LPP: variants seen among roughly 807,000 people sequenced by gnomAD.
LPP encodes the protein LIM domain containing preferred translocation partner in lipoma.
Under a neutral mutation model 60.4 loss-of-function variants are expected in LPP, and 38 were observed. The ratio of observed to expected loss-of-function variants is 0.63; its 90% confidence interval spans 0.49 to 0.83. The LOEUF is 0.83. LPP is among the 40% of genes least tolerant of loss of function. The probability of loss-of-function intolerance (pLI) is 0.00; values close to 1 mark genes in which losing one functional copy is unlikely to be tolerated. For missense variants in LPP, 902 were observed against 783.6 expected, an observed-to-expected ratio of 1.15 and a Z score of -1.80; for synonymous variants, 328 against 290.8, an observed-to-expected ratio of 1.13 and a Z score of -1.30.
chr3:188,414,782 A>T (rs1785739850), intron 4 of LPP, among the ~76,000 whole-genome samples: 1 of 152,160 alleles, frequency 6.6e-6, no homozygotes. Flanking sequence ...TCTTCATTTC[A>T]GAGACTCAGA....
intron 2 of LPP, among the ~76,000 whole-genome samples, chr3:188,243,319 C>T (rs1489425531): frequency 6.6e-6 from 1 of 152,104 alleles, no homozygotes; most frequent in Non-Finnish European, 1.5e-5. Flanking sequence ...ATTTTAGTTT[C>T]CCATGACTCA....
At chr3:188,188,453 T>C (rs1225383153) in intron 1 of LPP, among the ~76,000 whole-genome samples, 1 of 152,164 alleles carries the variant, frequency 6.6e-6, no homozygotes, top group Non-Finnish European at 1.5e-5. Flanking sequence ...CTTAGGCCCA[T>C]GATGCTCTTG....
At chr3:188,527,548 G>T (rs1820977189) in intron 6 of LPP, among the ~76,000 whole-genome samples, 1 of 152,056 alleles carries the variant, frequency 6.6e-6, no homozygotes, top group African/African-American at 2.4e-5. Flanking sequence ...CTAGAATGAT[G>T]CAGGAAATGA....
intron 8 of LPP, among the ~76,000 whole-genome samples, chr3:188,734,309 G>A (rs1023468510): frequency 5.9e-5 from 9 of 152,126 alleles, no homozygotes; most frequent in African/African-American, 2.2e-4. Context: ...ATCAAAAAAT[G>A]TTATTCTATT....
At chr3:188,477,315 C>T (rs924626023) in intron 4 of LPP, among the ~76,000 whole-genome samples, 1 of 152,190 alleles carries the variant, frequency 6.6e-6, no homozygotes, top group Non-Finnish European at 1.5e-5. Flanking sequence ...GTATTGCTTT[C>T]TAAAACTGAG....
At chr3:188,782,644 GCCT>G (rs1202152640) in intron 9 of LPP, among the ~76,000 whole-genome samples, 1 of 151,614 alleles carries the variant, frequency 6.6e-6, no homozygotes, top group African/African-American at 2.4e-5. Flanking sequence ...GCAGTTCCTA[GCCT>G]CTCTCTCCTG....
intron 6 of LPP, 90 bp downstream of exon 6, chr3:188,524,877 CCCCT>C (rs1263665505): frequency 2.9e-6 from 2 of 688,512 alleles, no homozygotes; most frequent in Non-Finnish European, 4.4e-6. Flanking sequence ...GAGCTTATTT[CCCCT>C]TCCTTCCTTC....
intron 9 of LPP, among the ~76,000 whole-genome samples, chr3:188,797,288 A>G (rs184944129): frequency 8.5e-5 from 13 of 152,254 alleles, no homozygotes; most frequent in African/African-American, 3.1e-4. Flanking sequence ...AGAAGCTATT[A>G]AAGTGTTCTT....
chr3:188,727,239 G>T (rs540014840), intron 8 of LPP, among the ~76,000 whole-genome samples: 1 of 152,250 alleles, frequency 6.6e-6, no homozygotes, highest in South Asian at 2.1e-4. Context: ...GTGATAGGGG[G>T]TTTTGGAGGA....
At chr3:188,601,912 A>G (rs997398195) in intron 6 of LPP, among the ~76,000 whole-genome samples, 1 of 151,480 alleles carries the variant, frequency 6.6e-6, no homozygotes, top group African/African-American at 2.4e-5. Context: ...TTTACTAAAA[A>G]CACAAAATGA....
At chr3:188,739,327 G>T (rs1381949445) in intron 8 of LPP, among the ~76,000 whole-genome samples, 2 of 152,028 alleles carry the variant, frequency 1.3e-5, no homozygotes, top group South Asian at 2.1e-4. Flanking sequence ...CTGAAATCTT[G>T]TTTGCCTTTT....
chr3:188,747,595 T>C (rs140922964), intron 8 of LPP, among the ~76,000 whole-genome samples: 2 of 152,210 alleles, frequency 1.3e-5, no homozygotes, highest in African/African-American at 4.8e-5. Flanking sequence ...TGATAGCAGA[T>C]GACTGTGCAA....
At chr3:188,584,467 A>T (rs1189303619) in intron 6 of LPP, 1 of 151,886 alleles carries the variant, frequency 6.6e-6, no homozygotes, top group Non-Finnish European at 1.5e-5. Context: ...TTAAATGAGG[A>T]ATTTTTCTTT....
chr3:188,194,060 TC>T (rs1728880272), intron 1 of LPP, among the ~76,000 whole-genome samples: 1 of 152,202 alleles, frequency 6.6e-6, no homozygotes, highest in Non-Finnish European at 1.5e-5. Flanking sequence ...TCTCATTGTT[TC>T]TTCCCTGAAA....
intron 5 of LPP, among the ~76,000 whole-genome samples, chr3:188,511,029 T>C (rs1815329651): frequency 6.7e-6 from 1 of 150,158 alleles, no homozygotes; most frequent in Non-Finnish European, 1.5e-5. Flanking sequence ...TCCATTCTCT[T>C]TCCCTCCCTC....
intron 9 of LPP, among the ~76,000 whole-genome samples, chr3:188,800,277 G>A (rs1425052461): frequency 5.3e-5 from 6 of 112,996 alleles, no homozygotes; most frequent in South Asian, 3.0e-4. Context: ...ATGGAGTCTC[G>A]CTCTGTCGCT....
At chr3:188,685,563 G>A (rs886291653) in intron 7 of LPP, among the ~76,000 whole-genome samples, 5 of 152,110 alleles carry the variant, frequency 3.3e-5, no homozygotes, top group East Asian at 3.9e-4. Flanking sequence ...AGGCAATTAC[G>A]GGTCCGGGAC....
intron 7 of LPP, among the ~76,000 whole-genome samples, chr3:188,652,189 T>G (rs1560707290): frequency 1.3e-5 from 2 of 152,176 alleles, no homozygotes; most frequent in East Asian, 1.9e-4. Context: ...TTCCAGACAT[T>G]GCCAAGAAAT....
chr3:188,721,188 G>A (rs533039095), intron 8 of LPP, among the ~76,000 whole-genome samples: 1 of 152,074 alleles, frequency 6.6e-6, no homozygotes, highest in South Asian at 2.1e-4. Context: ...TCTATAATTT[G>A]ATTCTGTGGG....
Sources: gnomAD v4.1 joint callset for allele counts (sites outside exome capture counted in the v4.1 genomes callset) on GRCh38, gnomAD v4.1.1 for gene constraint, MANE v1.5 for transcripts, NCBI Gene and HGNC (gene_info 2026-07-23, HGNC 2026-07-21) for gene names.